Variants in SERPINB6 observed in about 807,000 individuals in gnomAD.
The protein encoded by SERPINB6 is serpin B6.
A neutral mutation model predicts 26.1 loss-of-function variants in SERPINB6; 16 were observed. That is an observed-to-expected ratio of 0.61 (90% CI 0.42 to 0.93). SERPINB6 has a LOEUF of 0.93. Ranked by LOEUF, SERPINB6 falls within the 40% of genes least tolerant of loss-of-function variation. SERPINB6 has a pLI of 0.00. For missense variants in SERPINB6, 420 were observed against 478.0 expected, an observed-to-expected ratio of 0.88 and a Z score of 1.13; for synonymous variants, 174 against 176.6, an observed-to-expected ratio of 0.99 and a Z score of 0.11.
chr6:2,969,845 A>G, intron 1 of SERPINB6: 3 of 974,318 alleles, frequency 3.1e-6, no homozygotes, highest in Non-Finnish European at 3.7e-6. Context: ...GGAGTTAAAC[A>G]TTATTTTCAG....
At chr6:2,949,425 G>A (rs983550483) in intron 5 of SERPINB6, among the ~76,000 whole-genome samples, 2 of 152,250 alleles carry the variant, frequency 1.3e-5, no homozygotes, top group Admixed American at 6.5e-5. Context: ...AACTCCCAGC[G>A]CCACCTGTAA....
intron 5 of SERPINB6, 150 bp downstream of exon 5, chr6:2,952,894 G>T: frequency 8.9e-7 from 1 of 1,121,414 alleles, no homozygotes; most frequent in Non-Finnish European, 1.3e-6. Flanking sequence ...CAGGGCGGAT[G>T]CCAGGCGCCC....
Position 2,959,247 on chromosome 6 carries a change from A to T in SERPINB6, c.86T>A (p.Phe29Tyr). 1 of 1,614,218 alleles carries T rather than the reference A, an allele frequency of 6.2e-7. No individual in the cohort carries two copies. Among genetic ancestry groups the T allele is most frequent in the Non-Finnish European group, 8.5e-7 (1 of 1,180,038 alleles). ...LGKDNSKNVF[F>Y]SPMSMSCALA... ...GGCACAGGACATGCTCATGGGTGAG[A>T]AAAACACATTCTTCGAGTTGTCTTT... The change falls in exon 2 of 7, where the codon TTC becomes TAC. Residue 29 changes from phenylalanine to tyrosine, a missense_variant. Phe to Tyr is a conservative substitution (Grantham distance 22). Coordinates refer to ENST00000380539, the MANE Select transcript of SERPINB6 (RefSeq NM_004568.6).
chr6:2,967,181 G>A lies in SERPINB6; in HGVS notation c.-11+4352C>T, dbSNP rs1771718727. 2.0e-6 allele frequency: 2 copies of A among 985,302 alleles called. No individual in the cohort carries two copies. Among genetic ancestry groups the A allele is most frequent in the South Asian group, 9.4e-5 (2 of 21,286 alleles). 61.0% of individuals were successfully genotyped at this position (985,302 alleles called of 1,614,324 possible). A position where few individuals can be genotyped will look rare whatever the true frequency, so the allele number is the denominator to read the frequency against. On this transcript the variant is annotated intron_variant, in intron 1 of 6. Transcript: ENST00000380539. The surrounding 1 kb of genome is among the most constrained non-coding windows in gnomAD (Gnocchi z 4.3). ...GCCACCCAGACTCCTCGAGTTGGAGGGATCTGTTAACCTGCCCAGGGCACA... is the reference window on the plus strand; with the variant it reads ...GCCACCCAGACTCCTCGAGTTGGAGAGATCTGTTAACCTGCCCAGGGCACA...
chr6:2,963,099 G>C (rs1368460636), intron 1 of SERPINB6, among the ~76,000 whole-genome samples: 1 of 152,094 alleles, frequency 6.6e-6, no homozygotes, highest in African/African-American at 2.4e-5. Context: ...AAAGCAGCCA[G>C]AATCAGTAAA....
At chr6:2,970,392 G>C (rs948213661) in intron 1 of SERPINB6, 9 of 1,017,362 alleles carry the variant, frequency 8.8e-6, no homozygotes, top group Non-Finnish European at 1.1e-5. Flanking sequence ...CTCAGATACG[G>C]TCCTGAAATG....
chr6:2,961,696 G>C (rs1771123459), intron 1 of SERPINB6, among the ~76,000 whole-genome samples: 1 of 152,036 alleles, frequency 6.6e-6, no homozygotes, highest in Non-Finnish European at 1.5e-5. Flanking sequence ...ATGGACTTCT[G>C]TCTTTGTCCC....
chr6:2,969,795 G>T (rs1441814201), intron 1 of SERPINB6: 10 of 984,694 alleles, frequency 1.0e-5, no homozygotes, highest in Non-Finnish European at 1.2e-5. Context: ...TGTTGTGTGT[G>T]TATGTGTTTA....
In SERPINB6 at chr6:2,955,558, C is replaced by T; in HGVS notation, c.278G>A (p.Arg93Lys). 6.2e-7 allele frequency: 1 copy of T among 1,614,218 alleles called. No individual in the cohort carries two copies. The highest frequency in any genetic ancestry group is 1.1e-5 in the South Asian group (1 of 91,086). ...GTQYLLRMAN[R>K]LFGEKSCDFL... Reference sequence around the variant, plus strand: ...ATCACAAGACTTTTCCCCAAAGAGCCTGTTGGCCATCCTAAGCAAGTACTG... The same window carrying T: ...ATCACAAGACTTTTCCCCAAAGAGCTTGTTGGCCATCCTAAGCAAGTACTG... Residue 93 changes from arginine to lysine, a missense_variant, in exon 3 of 7, where the codon AGG becomes AAG. Arg to Lys is a conservative substitution (Grantham distance 26, BLOSUM62 2). Transcript: ENST00000380539.
intron 1 of SERPINB6, chr6:2,971,149 C>T: frequency 3.0e-6 from 3 of 1,010,982 alleles, no homozygotes; most frequent in Non-Finnish European, 3.5e-6. Context: ...CCGCCCCCAT[C>T]CCGCGCCGGC....
chr6:2,965,296 C>T (rs1425127764), intron 1 of SERPINB6, among the ~76,000 whole-genome samples: 1 of 152,218 alleles, frequency 6.6e-6, no homozygotes, highest in Non-Finnish European at 1.5e-5. Flanking sequence ...GCATTTTCCT[C>T]TCCCTCCGTC....
chr6:2,970,644 G>C (rs1772054620), intron 1 of SERPINB6: 1 of 1,213,068 alleles, frequency 8.2e-7, no homozygotes, highest in East Asian at 3.2e-5. Context: ...ATGCCCCCTC[G>C]CATCTGAGTA....
chr6:2,950,504 G>C (rs1442634474), intron 5 of SERPINB6, among the ~76,000 whole-genome samples: 1 of 142,152 alleles, frequency 7.0e-6, no homozygotes, highest in African/African-American at 2.7e-5. Flanking sequence ...CTGCACTCCA[G>C]CCTGGGAGAC....
At chr6:2,964,184 T>A (rs1348446200) in intron 1 of SERPINB6, among the ~76,000 whole-genome samples, 1 of 152,166 alleles carries the variant, frequency 6.6e-6, no homozygotes, top group Non-Finnish European at 1.5e-5. Flanking sequence ...TGATTTAGAA[T>A]TATGTCAAAA....
chr6:2,969,503 T>C, intron 1 of SERPINB6: 1 of 985,138 alleles, frequency 1.0e-6, no homozygotes, highest in Non-Finnish European at 1.2e-6. Flanking sequence ...ATGAACAATT[T>C]TATGTATTTT....
intron 1 of SERPINB6, among the ~76,000 whole-genome samples, chr6:2,964,613 T>C (rs1455621105): frequency 1.3e-5 from 2 of 152,180 alleles, no homozygotes; most frequent in African/African-American, 4.8e-5. Flanking sequence ...GTTGGTTAAC[T>C]CTTCTTTTTA....
In SERPINB6 at chr6:2,969,366, T is replaced by C. The variant is rs949745920; in HGVS notation, c.-11+2167A>G. Reference sequence around the variant, plus strand: ...CTTCATATATATATGTGAATACACATGTATATATGTACATAGACAAATATT... The same window carrying C: ...CTTCATATATATATGTGAATACACACGTATATATGTACATAGACAAATATT... On this transcript the variant is annotated intron_variant, in intron 1 of 6. Transcript: ENST00000380539. The C allele has an allele frequency of 1.2e-5, 12 of 975,066 alleles. No individual in the cohort carries two copies. The African/African-American group carries it at 1.6e-4, about 13-fold the overall frequency. 60.4% of individuals were successfully genotyped at this position (975,066 alleles called of 1,614,324 possible). A position where few individuals can be genotyped will look rare whatever the true frequency, so the allele number is the denominator to read the frequency against.
intron 5 of SERPINB6, among the ~76,000 whole-genome samples, chr6:2,951,678 C>A (rs1158366315): frequency 6.6e-6 from 1 of 152,152 alleles, no homozygotes; most frequent in Non-Finnish European, 1.5e-5. Context: ...AAAATCTGTG[C>A]CCTTGGAGGT....
At chr6:2,959,695 T>A (rs928910218) in intron 1 of SERPINB6, 2 of 346,120 alleles carry the variant, frequency 5.8e-6, no homozygotes, top group African/African-American at 4.2e-5. Context: ...TTTGTATTCT[T>A]TGGTGTGTTT....
Sources: gnomAD v4.1 joint callset for allele counts (sites outside exome capture counted in the v4.1 genomes callset) on GRCh38, gnomAD v4.1.1 for gene constraint, Gnocchi (gnomAD v3.1) non-coding constraint, MANE v1.5 for transcripts, NCBI Gene and HGNC (gene_info 2026-07-23, HGNC 2026-07-21) for gene names.